Variants in MGAT5 observed in about 807,000 individuals in gnomAD.
The protein encoded by MGAT5 is alpha-1,6-mannosylglycoprotein 6-beta-N-acetylglucosaminyltransferase A.
A neutral mutation model predicts 94.3 loss-of-function variants in MGAT5; 30 were observed. The observed-to-expected ratio is 0.32, with a 90% confidence interval of 0.24 to 0.43. The LOEUF is 0.43. Among genes scored for constraint, MGAT5 ranks in the 20% least tolerant of loss-of-function variants. The probability of loss-of-function intolerance (pLI) is 1.00; values close to 1 mark genes in which losing one functional copy is unlikely to be tolerated. For missense variants in MGAT5, 691 were observed against 905.5 expected (o/e 0.76, Z 3.04); for synonymous variants, 310 against 322.9 (o/e 0.96, Z 0.43).
intron 4 of MGAT5, among the ~76,000 whole-genome samples, chr2:134,321,441 G>T (rs1397833663): frequency 2.6e-5 from 4 of 152,138 alleles, no homozygotes; most frequent in Non-Finnish European, 5.9e-5. Context: ...AGAGACTGCA[G>T]TTATTTGTGA....
intron 10 of MGAT5, among the ~76,000 whole-genome samples, chr2:134,364,064 A>G (rs1171713330): frequency 6.6e-6 from 1 of 152,200 alleles, no homozygotes; most frequent in African/African-American, 2.4e-5. Flanking sequence ...TTTGGGGCCA[A>G]GTGCAACCAC....
chr2:134,371,234 T>C (rs1680777363), intron 10 of MGAT5, among the ~76,000 whole-genome samples: 1 of 152,220 alleles, frequency 6.6e-6, no homozygotes. Flanking sequence ...CCTCTGGGTC[T>C]CACTTTCCTT....
At chr2:134,388,437 T>TAA (rs59205707) in intron 10 of MGAT5, among the ~76,000 whole-genome samples, 98 of 148,450 alleles carry the variant, frequency 6.6e-4, no homozygotes, top group African/African-American at 2.2e-3. Context: ...TGAAGATCTT[T>TAA]AAAAAAAAAA....
At chr2:134,392,908 G>A (rs1190208635) in intron 10 of MGAT5, among the ~76,000 whole-genome samples, 1 of 152,184 alleles carries the variant, frequency 6.6e-6, no homozygotes, top group African/African-American at 2.4e-5. Context: ...CCTTGGTGAG[G>A]GATGGGTCTG....
rs1553501092 is a variant in MGAT5 at position 134,247,357 on chromosome 2, A to AT, written c.-142-6903dup. Among the ~76,000 whole-genome samples the AT allele has an allele frequency of 6.4e-5, 7 of 108,654 alleles. No individual in the cohort carries two copies. In the East Asian group the frequency reaches 7.7e-4, roughly 12 times the overall value. The allele number at this position is 108,654 out of a possible 152,430, so 71.3% of individuals were successfully genotyped here. The stretch of plus-strand genomic sequence containing the variant: ...CATGTGAATAGATACCTGGGCCTGA[A>AT]TTAAAAAAAAAAAAAAACAAAAAAA... On this transcript the variant is annotated intron_variant, in intron 1 of 16. Transcript: ENST00000409645.
intron 9 of MGAT5, among the ~76,000 whole-genome samples, chr2:134,351,425 T>G (rs140081542): frequency 6.6e-6 from 1 of 152,140 alleles, no homozygotes; most frequent in Admixed American, 6.6e-5. Context: ...CTGGGTGATA[T>G]GGCAGGCGTG....
intron 14 of MGAT5, among the ~76,000 whole-genome samples, chr2:134,433,596 G>A (rs937009670): frequency 2.0e-5 from 3 of 152,326 alleles, no homozygotes; most frequent in East Asian, 1.9e-4. Context: ...CTCTGGGGCC[G>A]TGTGTGGACA....
At chr2:134,415,740 GTGC>G (rs1381329647) in intron 12 of MGAT5, among the ~76,000 whole-genome samples, 1 of 151,966 alleles carries the variant, frequency 6.6e-6, no homozygotes, top group Non-Finnish European at 1.5e-5. Context: ...CCTCGTAGTT[GTGC>G]TGTTTCAGGT....
chr2:134,336,336 A>G (rs1320954358), intron 5 of MGAT5, 48 bp downstream of exon 5: 2 of 1,440,278 alleles, frequency 1.4e-6, no homozygotes, highest in East Asian at 2.3e-5. Context: ...TTTAGGTCAG[A>G]TGCCAAGTGA....
At chr2:134,179,208 A>G (rs1480364709) in intron 1 of MGAT5, among the ~76,000 whole-genome samples, 1 of 151,766 alleles carries the variant, frequency 6.6e-6, no homozygotes, top group East Asian at 2.1e-4. Context: ...TTTACTGCTT[A>G]AAATGGCCCC....
intron 1 of MGAT5, among the ~76,000 whole-genome samples, chr2:134,177,498 A>G (rs1194541423): frequency 6.6e-6 from 1 of 152,236 alleles, no homozygotes; most frequent in African/African-American, 2.4e-5. Context: ...AGCGAGGTCC[A>G]GCTGTGTGCC....
chr2:134,251,438 C>G (rs1267234596), upstream of MGAT5, among the ~76,000 whole-genome samples: 1 of 152,154 alleles, frequency 6.6e-6, no homozygotes, highest in African/African-American at 2.4e-5. Flanking sequence ...CTGTAGTGCC[C>G]TAGGCGACAT....
At chr2:134,171,837 TG>T (rs1328295666) in intron 1 of MGAT5, among the ~76,000 whole-genome samples, 1 of 152,126 alleles carries the variant, frequency 6.6e-6, no homozygotes, top group African/African-American at 2.4e-5. Context: ...AGCAGAGAGC[TG>T]GGGTATTTGC....
chr2:134,403,199 GA>G, intron 11 of MGAT5, 62 bp downstream of exon 11: 1 of 1,487,854 alleles, frequency 6.7e-7, no homozygotes, highest in Non-Finnish European at 9.0e-7. Context: ...AATGGGATCA[GA>G]ATATTTCATG....
At chr2:134,362,529 TAAAC>T (rs1680163469) in intron 10 of MGAT5, 121 bp downstream of exon 10, 1 of 1,221,572 alleles carries the variant, frequency 8.2e-7, no homozygotes, top group Admixed American at 2.2e-5. Context: ...TACTTAGACA[TAAAC>T]AAGAATGTGC....
chr2:134,182,891 A>G (rs554220336), intron 1 of MGAT5, among the ~76,000 whole-genome samples: 26 of 139,478 alleles, frequency 1.9e-4, no homozygotes, highest in African/African-American at 5.9e-4. Context: ...GGTTCACGCC[A>G]TTCTCTTGCC....
chr2:134,384,829 A>T (rs1290543705), intron 10 of MGAT5, among the ~76,000 whole-genome samples: 2 of 152,276 alleles, frequency 1.3e-5, no homozygotes, highest in Non-Finnish European at 2.9e-5. Context: ...GAGTGAAAAC[A>T]TTTAAAAGCT....
At chr2:134,173,631 A>G (rs1192472005) in intron 1 of MGAT5, among the ~76,000 whole-genome samples, 1 of 152,102 alleles carries the variant, frequency 6.6e-6, no homozygotes, top group African/African-American at 2.4e-5. Context: ...CCAGCATGTC[A>G]TATACCTAGC....
At position 134,129,768 on chromosome 2, in the gene MGAT5, C is replaced by T. The variant is rs1183094498; in HGVS notation, c.-143+9477C>T. On this transcript the variant is annotated intron_variant, in intron 1 of 16. Coordinates refer to the MGAT5 transcript ENST00000409645. The stretch of plus-strand genomic sequence containing the variant: ...GCTTATGTAATTGTGAGCCATCCTA[C>T]TGAGAGGTGACAATGTGCTAGCAGC... Among the ~76,000 whole-genome samples the T allele has an allele frequency of 2.0e-5, 3 of 151,838 alleles. No homozygotes were observed. In the East Asian group the frequency reaches 5.8e-4, roughly 29 times the overall value.
Sources: gnomAD v4.1 joint callset for allele counts (sites outside exome capture counted in the v4.1 genomes callset) on GRCh38, gnomAD v4.1.1 for gene constraint, MANE v1.5 for transcripts, NCBI Gene and HGNC (gene_info 2026-07-23, HGNC 2026-07-21) for gene names.